TENM2: variants seen among roughly 807,000 people sequenced by gnomAD.
The protein encoded by TENM2 is teneurin-2.
A neutral mutation model predicts 245.2 loss-of-function variants in TENM2; 52 were observed. The observed-to-expected ratio is 0.21, with a 90% confidence interval of 0.17 to 0.27. The LOEUF (loss-of-function observed/expected upper bound fraction) is 0.27, where lower values mean the gene tolerates loss of function less well. Among genes scored for constraint, TENM2 ranks in the 10% least tolerant of loss-of-function variants. The probability of loss-of-function intolerance (pLI) is 1.00; values close to 1 mark genes in which losing one functional copy is unlikely to be tolerated. For missense variants in TENM2, 3,046 were observed against 3,666.8 expected, an observed-to-expected ratio of 0.83 and a Z score of 4.37; for synonymous variants, 1,363 against 1,438.9, an observed-to-expected ratio of 0.95 and a Z score of 1.19.
At chr5:167,338,346 C>T (rs1322870116) in intron 1 of TENM2, among the ~76,000 whole-genome samples, 2 of 152,184 alleles carry the variant, frequency 1.3e-5, no homozygotes, top group Non-Finnish European at 2.9e-5. Context: ...TTAAACAACA[C>T]ATTCATTCTC....
At chr5:167,383,561 A>G (rs1437189840) in intron 2 of TENM2, among the ~76,000 whole-genome samples, 1 of 151,766 alleles carries the variant, frequency 6.6e-6, no homozygotes, top group Non-Finnish European at 1.5e-5. Context: ...TCCTTTCCCA[A>G]CTTTCGTCTT....
chr5:168,225,124 G>A (rs1010460295), intron 23 of TENM2, among the ~76,000 whole-genome samples: 8 of 152,190 alleles, frequency 5.3e-5, no homozygotes, highest in South Asian at 2.1e-4. Context: ...GATGGTAAGG[G>A]AGTCATTGGG....
At chr5:168,083,982 A>G (rs2617987) in intron 7 of TENM2, among the ~76,000 whole-genome samples, 36,669 of 152,004 alleles carry the variant, frequency 0.24, 4,638 homozygotes, top group East Asian at 0.46. Context: ...TGCATACCCA[A>G]TGCTTAGCTC....
intron 2 of TENM2, among the ~76,000 whole-genome samples, chr5:167,694,627 GA>G (rs2150414957): frequency 6.6e-6 from 1 of 152,170 alleles, no homozygotes; most frequent in Non-Finnish European, 1.5e-5. Context: ...GAGCTTAGTG[GA>G]AAAAGTCTGG....
At chr5:167,421,281 A>C (rs983176344) in intron 2 of TENM2, among the ~76,000 whole-genome samples, 1 of 152,188 alleles carries the variant, frequency 6.6e-6, no homozygotes, top group African/African-American at 2.4e-5. Context: ...ATTATATTTG[A>C]ATATTAATGG....
intron 27 of TENM2, among the ~76,000 whole-genome samples, chr5:168,258,620 T>C (rs12519231): frequency 2.0e-4 from 31 of 152,034 alleles, no homozygotes; most frequent in Admixed American, 2.0e-3. Context: ...TCATGCTGAG[T>C]GAAAGAAGCC....
At chr5:167,842,127 TCTCA>T (rs1769575599) in intron 2 of TENM2, among the ~76,000 whole-genome samples, 1 of 152,072 alleles carries the variant, frequency 6.6e-6, no homozygotes, top group Non-Finnish European at 1.5e-5. Context: ...CTTGCTGCCA[TCTCA>T]GACCAAGAAG....
At chr5:168,051,029 A>G (rs1217173494) in intron 6 of TENM2, among the ~76,000 whole-genome samples, 5 of 152,202 alleles carry the variant, frequency 3.3e-5, no homozygotes, top group Non-Finnish European at 7.3e-5. Flanking sequence ...CTGGGATTAG[A>G]TAAGCCTTGA....
the TENM2 span, among the ~76,000 whole-genome samples, chr5:167,153,442 G>C: frequency 6.6e-6 from 1 of 151,984 alleles, no homozygotes; most frequent in East Asian, 1.9e-4. Flanking sequence ...ATCTTCAAAC[G>C]TTGAGTAGAC....
the TENM2 span, among the ~76,000 whole-genome samples, chr5:167,255,073 C>CTTTTTTTT: frequency 3.2e-5 from 4 of 125,524 alleles, no homozygotes; most frequent in East Asian, 2.3e-4. Flanking sequence ...CTTTTCTTTT[C>CTTTTTTTT]TTTTTTTTTT....
At chr5:167,053,811 G>C in the TENM2 span, among the ~76,000 whole-genome samples, 1 of 152,082 alleles carries the variant, frequency 6.6e-6, no homozygotes, top group African/African-American at 2.4e-5. Context: ...TATTATATAA[G>C]GTTGCATAAC....
At chr5:168,207,371 G>A (rs568631215) in intron 19 of TENM2, among the ~76,000 whole-genome samples, 1 of 152,256 alleles carries the variant, frequency 6.6e-6, no homozygotes, top group African/African-American at 2.4e-5. Context: ...TGCAAGCTAA[G>A]GGCCCAATCA....
intron 2 of TENM2, among the ~76,000 whole-genome samples, chr5:167,654,369 C>T (rs993402489): frequency 6.6e-6 from 1 of 152,126 alleles, no homozygotes; most frequent in Admixed American, 6.5e-5. Context: ...CACTCACTTC[C>T]AGGTGCCAAG....
rs1367553917 is a variant in TENM2 at position 168,247,122 on chromosome 5, C to T, written c.6183C>T (p.Cys2061=). The change falls in exon 27 of 29, where the codon TGC becomes TGT. Residue 2061 remains cysteine, a synonymous_variant. Coordinates refer to ENST00000518659, the Ensembl canonical transcript of TENM2. The surrounding 1 kb of genome is among the most constrained non-coding windows in gnomAD (Gnocchi z 7.8). The stretch of plus-strand genomic sequence containing the variant: ...ACCTCCAAAGTGGGGGCTTCTCCTG[C>T]ACCATCAGGTACCGGAAGATTGGCC... 6.2e-7 allele frequency: 1 copy of T among 1,613,804 alleles called. No individual in the cohort carries two copies. The highest frequency in any genetic ancestry group is 8.5e-7 in the Non-Finnish European group (1 of 1,179,884).
chr5:167,643,462 T>C (rs996515075), intron 2 of TENM2, among the ~76,000 whole-genome samples: 1 of 152,200 alleles, frequency 6.6e-6, no homozygotes, highest in African/African-American at 2.4e-5. Flanking sequence ...TGGTTCATTT[T>C]TTTTCCACTG....
intron 27 of TENM2, among the ~76,000 whole-genome samples, chr5:168,259,319 G>A (rs1259909876): frequency 3.3e-5 from 5 of 152,010 alleles, no homozygotes; most frequent in Non-Finnish European, 5.9e-5. Flanking sequence ...CGGGCACGGT[G>A]GCTCATGCCT....
chr5:167,150,698 T>C, the TENM2 span, among the ~76,000 whole-genome samples: 1 of 152,202 alleles, frequency 6.6e-6, no homozygotes, highest in Non-Finnish European at 1.5e-5. Context: ...ACATCTTATA[T>C]GAAGCTTAGT....
At chr5:167,838,779 A>G (rs1428124551) in intron 2 of TENM2, among the ~76,000 whole-genome samples, 2 of 152,300 alleles carry the variant, frequency 1.3e-5, no homozygotes, top group East Asian at 3.9e-4. Context: ...AGAGGATTCT[A>G]TAAGTCTAAA....
At chr5:167,825,059 G>A (rs1382395103) in intron 2 of TENM2, among the ~76,000 whole-genome samples, 1 of 152,022 alleles carries the variant, frequency 6.6e-6, no homozygotes, top group Non-Finnish European at 1.5e-5. Context: ...GTCCCCACTT[G>A]GAAATCTGGT....
Sources: gnomAD v4.1 joint callset for allele counts (sites outside exome capture counted in the v4.1 genomes callset) on GRCh38, gnomAD v4.1.1 for gene constraint, Gnocchi (gnomAD v3.1) non-coding constraint, MANE v1.5 for transcripts, NCBI Gene and HGNC (gene_info 2026-07-23, HGNC 2026-07-21) for gene names.